Variants in DDX1 observed in about 807,000 individuals in gnomAD.
DDX1 encodes DEAD-box helicase 1.
A neutral mutation model predicts 108.7 loss-of-function variants in DDX1; 28 were observed. The observed-to-expected ratio is 0.26, with a 90% CI of 0.19 to 0.35. The LOEUF (loss-of-function observed/expected upper bound fraction) is 0.35. Among genes scored for constraint, DDX1 ranks in the 10% least tolerant of loss-of-function variants. DDX1 has a pLI of 1.00. For missense variants in DDX1, 710 were observed against 884.5 expected, an observed-to-expected ratio of 0.80 and a Z score of 2.50; for synonymous variants, 295 against 288.9, an observed-to-expected ratio of 1.02 and a Z score of -0.21.
Position 15,597,078 on chromosome 2 carries a change from T to G in DDX1, c.163-297T>G, listed in dbSNP as rs146431546. ...TACAGAAGTTGATCTCCTACTGGCC[T>G]GGACTAGAGAAATAATTTGTCGGAC... is the stretch of plus-strand genomic sequence containing the variant. On this transcript the variant is annotated intron_variant, in intron 4 of 25. Coordinates refer to ENST00000233084, the MANE Select transcript of DDX1 (RefSeq NM_004939.3). 2.4e-4 allele frequency among the ~76,000 whole-genome samples: 37 copies of G among 152,342 alleles called. No individual in the cohort carries two copies. In the East Asian group the frequency reaches 7.1e-3, roughly 29 times the overall value.
intron 8 of DDX1, 66 bp from the exon 9 acceptor site, chr2:15,603,748 T>C (rs1665622451): frequency 1.2e-5 from 13 of 1,050,786 alleles, no homozygotes; most frequent in Non-Finnish European, 1.7e-5. Context: ...TAAAATTACT[T>C]CTTTTAGAGG....
At chr2:15,595,695 C>T (rs1401476051) in intron 3 of DDX1, 142 bp downstream of exon 3, 6 of 640,740 alleles carry the variant, frequency 9.4e-6, no homozygotes, top group African/African-American at 1.8e-5. Flanking sequence ...AAGCTTCAAA[C>T]AGGTAAGTAT....
chr2:15,608,485 G>A (rs1056284162), intron 13 of DDX1, among the ~76,000 whole-genome samples: 6 of 148,590 alleles, frequency 4.0e-5, no homozygotes, highest in African/African-American at 7.5e-5. Flanking sequence ...CCAAGATTGC[G>A]CCATTGCACT....
chr2:15,606,357 A>G, intron 12 of DDX1, 93 bp downstream of exon 12: 2 of 820,588 alleles, frequency 2.4e-6, no homozygotes, highest in Non-Finnish European at 1.9e-6. Context: ...AGTTACATAT[A>G]CTTTCCTTGC....
intron 23 of DDX1, 92 bp from the exon 24 acceptor site, chr2:15,629,507 TGAG>T (rs1666157516): frequency 1.2e-6 from 1 of 833,890 alleles, no homozygotes; most frequent in Admixed American, 3.0e-5. Context: ...TCTAGTGCCT[TGAG>T]GACAGAAAAC....
chr2:15,618,168 G>C lies in DDX1; in HGVS notation c.1117-13G>C. 6.8e-7 allele frequency: 1 copy of C among 1,480,900 alleles called. No individual in the cohort carries two copies. Among genetic ancestry groups the C allele is most frequent in the Non-Finnish European group, 9.3e-7 (1 of 1,075,792 alleles). The allele number at this position is 1,480,900 out of a possible 1,614,324, so 91.7% of individuals were successfully genotyped here. A position where few individuals can be genotyped will look rare whatever the true frequency, so the allele number is the denominator to read the frequency against. On this transcript the variant is annotated splice_polypyrimidine_tract_variant and intron_variant, in intron 15 of 25. Transcript: ENST00000233084. Reference sequence around the variant, plus strand: ...TGATTAAAAACTTAATTTATTCTTTGTTTCTCATGCAGGATGGGCTTCTTT... The same window carrying C: ...TGATTAAAAACTTAATTTATTCTTTCTTTCTCATGCAGGATGGGCTTCTTT...
Position 15,627,115 on chromosome 2 carries a change from T to A in DDX1, c.1656T>A (p.His552Gln). 1.9e-6 allele frequency: 3 copies of A among 1,611,104 alleles called. No individual in the cohort carries two copies. The highest frequency in any genetic ancestry group is 2.5e-6 in the Non-Finnish European group (3 of 1,178,066). Residue 552 changes from histidine (H) to glutamine (Q), a missense_variant, in exon 20 of 26, where the codon CAT becomes CAA. By Grantham distance (24) the His-to-Gln change is conservative (BLOSUM62 0). Around this residue, in one of 3 missense-constraint regions of DDX1, gnomAD observed 661 missense variants for 810.2 expected, o/e 0.82. Coordinates refer to ENST00000233084, the MANE Select transcript of DDX1 (RefSeq NM_004939.3). ...CVCLHGDRKP[H>Q]ERKQNLERFK... is the part of the protein sequence containing the mutation. The stretch of plus-strand genomic sequence containing the variant: ...GTCTTCATGGTGACAGAAAGCCTCA[T>A]GAGAGAAAGCAAAACTTGGAAAGAT...
At chr2:15,615,858 A>G (rs1665884681) in intron 14 of DDX1, among the ~76,000 whole-genome samples, 1 of 152,160 alleles carries the variant, frequency 6.6e-6, no homozygotes, top group Non-Finnish European at 1.5e-5. Context: ...GCTCACATAA[A>G]TACATCATAT....
At chr2:15,617,482 C>A in intron 15 of DDX1, 140 bp downstream of exon 15, 1 of 407,244 alleles carries the variant, frequency 2.5e-6, no homozygotes, top group African/African-American at 2.1e-5. Flanking sequence ...GGTATATTTT[C>A]ATATACTTTT....
At chr2:15,592,036 G>T in intron 1 of DDX1, 87 bp downstream of exon 1, 1 of 1,227,862 alleles carries the variant, frequency 8.1e-7, no homozygotes, top group Non-Finnish European at 1.1e-6. Flanking sequence ...AAAGGGGCGG[G>T]AGCGGACAGG....
At chr2:15,619,214 T>C (rs116032592) in intron 16 of DDX1, among the ~76,000 whole-genome samples, 2,736 of 152,230 alleles carry the variant, frequency 0.018, 76 homozygotes, top group African/African-American at 0.062. Flanking sequence ...CCCAGCCCCA[T>C]TGAGGTGGCT....
intron 7 of DDX1, among the ~76,000 whole-genome samples, 156 bp downstream of exon 7, chr2:15,602,787 C>G (rs1665607813): frequency 6.6e-6 from 1 of 152,172 alleles, no homozygotes; most frequent in Non-Finnish European, 1.5e-5. Context: ...CATCTCGGCT[C>G]ACTGCAACCT....
At chr2:15,613,479 A>G (rs1573045461) in intron 14 of DDX1, among the ~76,000 whole-genome samples, 195 bp downstream of exon 14, 1 of 152,206 alleles carries the variant, frequency 6.6e-6, no homozygotes, top group Admixed American at 6.5e-5. Context: ...CAGACCTCTC[A>G]AGCAAAATTC....
At chr2:15,611,780 G>T (rs1200608869) in intron 13 of DDX1, among the ~76,000 whole-genome samples, 1 of 101,094 alleles carries the variant, frequency 9.9e-6, no homozygotes. Flanking sequence ...GGCTGGCCGG[G>T]CGGGGGGCTG....
chr2:15,621,800 G>A (rs1036268780), intron 18 of DDX1, among the ~76,000 whole-genome samples: 7 of 151,386 alleles, frequency 4.6e-5, no homozygotes, highest in African/African-American at 1.5e-4. Flanking sequence ...TTACAGGCAC[G>A]TGCCACTACC....
chr2:15,593,596 A>G (rs1317545961), intron 1 of DDX1, among the ~76,000 whole-genome samples: 1 of 152,190 alleles, frequency 6.6e-6, no homozygotes, highest in African/African-American at 2.4e-5. Context: ...ACAATTTTGC[A>G]AAGAGCTTCA....
rs949905985 is a variant in DDX1 at position 15,606,385 on chromosome 2, T to C, written c.817+121T>C. The C allele has an allele frequency of 6.2e-6, 4 of 642,434 alleles. No individual in the cohort carries two copies. The African/African-American group carries it at 7.5e-5, about 12-fold the overall frequency. The allele number at this position is 642,434 out of a possible 1,614,324, so 39.8% of individuals were successfully genotyped here. Reference sequence around the variant, plus strand: ...TTCCTTGCTGGTTTAGTCACACATCTTTTTTTAACACAGCAGTAAAATTCA... The same window carrying C: ...TTCCTTGCTGGTTTAGTCACACATCCTTTTTTAACACAGCAGTAAAATTCA... On this transcript the variant is annotated intron_variant, in intron 12 of 25. Transcript: ENST00000233084.
At chr2:15,618,097 A>G (rs1161645013) in intron 15 of DDX1, 84 bp from the exon 16 acceptor site, 1 of 735,088 alleles carries the variant, frequency 1.4e-6, no homozygotes, top group Non-Finnish European at 2.2e-6. Context: ...TTTGATTTAG[A>G]AAAAAGATTT....
chr2:15,595,812 A>C (rs1435560101), intron 3 of DDX1, among the ~76,000 whole-genome samples: 1 of 152,160 alleles, frequency 6.6e-6, no homozygotes, highest in Non-Finnish European at 1.5e-5. Flanking sequence ...AGTAGTATAG[A>C]ATTCAAGTGG....
Sources: gnomAD v4.1 joint callset for allele counts (sites outside exome capture counted in the v4.1 genomes callset) on GRCh38, gnomAD v4.1.1 for gene constraint, gnomAD v4.1.1 regional missense constraint, MANE v1.5 for transcripts, NCBI Gene and HGNC (gene_info 2026-07-23, HGNC 2026-07-21) for gene names.